The following COL19A1 variants were observed in gnomAD, a reference collection of about 807,000 sequenced individuals.
COL19A1 encodes collagen type XIX alpha 1 chain.
In COL19A1, 159 loss-of-function variants were observed where a neutral mutation model predicts 190.2. That is an observed-to-expected ratio of 0.84 (90% confidence interval 0.73 to 0.95). COL19A1 has a LOEUF of 0.95. Ranked by LOEUF, COL19A1 falls within the 40% of genes least tolerant of loss-of-function variation. The probability of loss-of-function intolerance (pLI) is 0.00; values close to 1 mark genes in which losing one functional copy is unlikely to be tolerated. For synonymous variants in COL19A1, 509 were observed against 458.9 expected (o/e 1.11, Z -1.39); for missense variants, 1,418 against 1,431.9 (o/e 0.99, Z 0.16).
intron 9 of COL19A1, among the ~76,000 whole-genome samples, chr6:69,950,288 G>A (rs1311762298): frequency 6.6e-6 from 1 of 151,802 alleles, no homozygotes; most frequent in Non-Finnish European, 1.5e-5. Context: ...GTGGAGTCAT[G>A]AGGACTCTAA....
intron 16 of COL19A1, among the ~76,000 whole-genome samples, chr6:70,102,907 C>T (rs1783724854): frequency 6.6e-6 from 1 of 152,152 alleles, no homozygotes; most frequent in African/African-American, 2.4e-5. Context: ...GAAATGTATA[C>T]TATTGACTGC....
chr6:69,996,916 T>TTGTG (rs200468204), intron 11 of COL19A1, among the ~76,000 whole-genome samples: 3,475 of 146,082 alleles, frequency 0.024, 142 homozygotes, highest in African/African-American at 0.076. Flanking sequence ...TCAAAAAGAC[T>TTGTG]TGTGTGTGTG....
chr6:70,059,998 C>T (rs1380887770), intron 14 of COL19A1, among the ~76,000 whole-genome samples: 1 of 152,110 alleles, frequency 6.6e-6, no homozygotes, highest in African/African-American at 2.4e-5. Flanking sequence ...TCTCTAACTG[C>T]ACAAATTATA....
At chr6:70,033,529 A>T (rs957221042) in intron 12 of COL19A1, among the ~76,000 whole-genome samples, 5 of 152,050 alleles carry the variant, frequency 3.3e-5, no homozygotes, top group Non-Finnish European at 7.4e-5. Flanking sequence ...TGTAGAGCTG[A>T]TCTCCTCTGG....
chr6:70,092,455 G>A (rs1043343402), intron 15 of COL19A1, among the ~76,000 whole-genome samples: 7 of 152,030 alleles, frequency 4.6e-5, no homozygotes, highest in African/African-American at 1.4e-4. Flanking sequence ...CAACACAGCA[G>A]GTAAAACAGA....
intron 40 of COL19A1, among the ~76,000 whole-genome samples, chr6:70,169,462 G>C (rs189589074): frequency 6.6e-6 from 1 of 152,128 alleles, no homozygotes; most frequent in Admixed American, 6.5e-5. Flanking sequence ...AAAATTTAAA[G>C]CCTTTTCATT....
intron 14 of COL19A1, among the ~76,000 whole-genome samples, chr6:70,054,371 A>G (rs1780377941): frequency 6.6e-6 from 1 of 152,142 alleles, no homozygotes; most frequent in Non-Finnish European, 1.5e-5. Flanking sequence ...AACAAAAAAG[A>G]TATTTCACAT....
At chr6:69,987,442 T>A (rs1776371871) in intron 11 of COL19A1, among the ~76,000 whole-genome samples, 1 of 152,218 alleles carries the variant, frequency 6.6e-6, no homozygotes. Flanking sequence ...AAATTCATCA[T>A]TGGCTACTGA....
At chr6:70,009,496 C>A (rs1285655333) in intron 11 of COL19A1, among the ~76,000 whole-genome samples, 1 of 151,964 alleles carries the variant, frequency 6.6e-6, no homozygotes, top group East Asian at 1.9e-4. Context: ...GTTTGGAAGA[C>A]CCAGTATTAT....
chr6:69,922,216 G>T (rs565282972), intron 4 of COL19A1, among the ~76,000 whole-genome samples: 1 of 151,440 alleles, frequency 6.6e-6, no homozygotes, highest in Non-Finnish European at 1.5e-5. Flanking sequence ...ATCATATTTG[G>T]TCTTGAAAGC....
chr6:70,149,309 T>G (rs73746876), intron 27 of COL19A1, among the ~76,000 whole-genome samples: 2,258 of 152,240 alleles, frequency 0.015, 56 homozygotes, highest in African/African-American at 0.049. Flanking sequence ...CTGAACACTG[T>G]TTCTGGTGAT....
At chr6:70,073,258 G>A (rs1047696682) in intron 15 of COL19A1, among the ~76,000 whole-genome samples, 4 of 152,122 alleles carry the variant, frequency 2.6e-5, no homozygotes, top group African/African-American at 9.7e-5. Context: ...AAAGTTCTGG[G>A]ATTACAGGCC....
intron 4 of COL19A1, among the ~76,000 whole-genome samples, chr6:69,906,915 TA>T (rs958250755): frequency 6.6e-6 from 1 of 152,144 alleles, no homozygotes; most frequent in African/African-American, 2.4e-5. Flanking sequence ...GGAAGATGTG[TA>T]ATGTTTTTCA....
chr6:70,110,127 A>C (rs1014122488), intron 16 of COL19A1, among the ~76,000 whole-genome samples: 4 of 152,218 alleles, frequency 2.6e-5, no homozygotes, highest in Non-Finnish European at 5.9e-5. Context: ...CTGCTGAATA[A>C]AGCAGATGAC....
At chr6:70,060,348 A>G (rs1780750740) in intron 14 of COL19A1, among the ~76,000 whole-genome samples, 1 of 152,178 alleles carries the variant, frequency 6.6e-6, no homozygotes, top group South Asian at 2.1e-4. Flanking sequence ...TGTAGAGGTT[A>G]GAAAAAAATG....
chr6:70,078,309 C>G (rs1782014404), intron 15 of COL19A1, among the ~76,000 whole-genome samples: 1 of 152,142 alleles, frequency 6.6e-6, no homozygotes, highest in Non-Finnish European at 1.5e-5. Context: ...TCAGGCTTCC[C>G]TAAAAGCAGA....
intron 16 of COL19A1, among the ~76,000 whole-genome samples, chr6:70,102,976 G>T (rs1438714781): frequency 6.6e-6 from 1 of 151,972 alleles, no homozygotes; most frequent in Non-Finnish European, 1.5e-5. Flanking sequence ...TTTCTCCTAT[G>T]CCTGGGGCCA....
At chr6:70,088,883 T>G (rs1390730479) in intron 15 of COL19A1, among the ~76,000 whole-genome samples, 2 of 152,208 alleles carry the variant, frequency 1.3e-5, no homozygotes, top group Admixed American at 1.3e-4. Flanking sequence ...GGCAGTTGAT[T>G]TCTCATTAAA....
At chr6:70,033,441 G>T (rs555045820) in intron 12 of COL19A1, among the ~76,000 whole-genome samples, 3 of 152,112 alleles carry the variant, frequency 2.0e-5, no homozygotes, top group South Asian at 2.1e-4. Context: ...AAGGAAAAAA[G>T]AAGTTTTTTT....
Sources: allele counts gnomAD v4.1 joint callset (sites outside exome capture counted in the v4.1 genomes callset), GRCh38; gene constraint gnomAD v4.1.1; transcripts MANE v1.5; gene names NCBI Gene and HGNC (gene_info 2026-07-23, HGNC 2026-07-21).